The following KLC3 variants were observed in gnomAD, a reference collection of about 807,000 sequenced individuals.
The protein encoded by KLC3 is kinesin light chain 3, also known as kinesin light chain 2.
In KLC3, 72 loss-of-function variants were observed where a neutral mutation model predicts 62.9. That is an observed-to-expected ratio of 1.15 (90% confidence interval 0.95 to 1.39). The LOEUF (loss-of-function observed/expected upper bound fraction) is 1.39. KLC3 is among the 40% of genes most tolerant of loss of function. The pLI, the probability that KLC3 is intolerant of heterozygous loss-of-function variation, is 0.00. For synonymous variants in KLC3, 377 were observed against 300.5 expected (o/e 1.25, Z -2.63); for missense variants, 848 against 691.6 (o/e 1.23, Z -2.54).
In KLC3 at chr19:45,350,515, T is replaced by C; in HGVS notation, c.1236T>C (p.Gly412=). The C allele has an allele frequency of 6.2e-7, 1 of 1,613,086 alleles. No individual in the cohort carries two copies. Among genetic ancestry groups the C allele is most frequent in the Non-Finnish European group, 8.5e-7 (1 of 1,179,702 alleles). ...AGTGTCCCCCATCTTTCCCCCTAGG[T>C]GCCCCCAACACAGGCACAGCTGGTG... ...LHKEDLPAPL[G]APNTGTAGDA... Residue 412 remains glycine (G), a splice_region_variant and synonymous_variant, in exon 10 of 13, where the codon GGT becomes GGC. Coordinates refer to ENST00000391946, the MANE Select transcript of KLC3 (RefSeq NM_177417.3).
At position 45,350,818 on chromosome 19, in the gene KLC3, C is replaced by G. The variant is rs978531123; in HGVS notation, c.1379+71C>G. ...CCACAGCCCACCCCACCCCCACCCC[C>G]ATCTTGCTCAAGAACCTTCCATGGC... On this transcript the variant is annotated intron_variant, in intron 11 of 12. Coordinates refer to ENST00000391946, the MANE Select transcript of KLC3 (RefSeq NM_177417.3). 3.7e-6 allele frequency: 5 copies of G among 1,358,830 alleles called. No individual in the cohort carries two copies. The African/African-American group carries it at 5.7e-5, about 16-fold the overall frequency. The allele number at this position is 1,358,830 out of a possible 1,614,324, so 84.2% of individuals were successfully genotyped here. A position where few individuals can be genotyped will look rare whatever the true frequency, so the allele number is the denominator to read the frequency against.
intron 1 of KLC3, among the ~76,000 whole-genome samples, chr19:45,343,433 C>G (rs1026187481): frequency 2.6e-5 from 4 of 152,062 alleles, no homozygotes; most frequent in Non-Finnish European, 4.4e-5. Flanking sequence ...CTCTCAGGTT[C>G]AAGCAATTCT....
rs201590999 is a variant in KLC3 at position 45,348,045 on chromosome 19, C to T, written c.664C>T (p.Arg222Cys). The T allele has an allele frequency of 5.9e-5, 95 of 1,604,656 alleles. No homozygotes were observed. The highest frequency in any genetic ancestry group is 4.2e-4 in the South Asian group (38 of 89,464). ...NLVIQYAGQG[R>C]YEVAVPLCRQ... is the part of the protein sequence containing the mutation. Reference sequence around the variant, plus strand: ...CGTGATCCAGTACGCGGGGCAGGGCCGCTATGAGGTGGCGGTGCCTCTGTG... The same window carrying T: ...CGTGATCCAGTACGCGGGGCAGGGCTGCTATGAGGTGGCGGTGCCTCTGTG... The change falls in exon 5 of 13, where the codon CGC (arginine) becomes TGC (cysteine). Residue 222 changes from arginine (R) to cysteine (C), a missense_variant. Physicochemically the swap from Arg to Cys is radical, Grantham distance 180. Transcript: ENST00000391946.
intron 4 of KLC3, 24 bp from the exon 5 acceptor site, chr19:45,347,917 C>T (rs775998335): frequency 1.3e-6 from 2 of 1,570,310 alleles, no homozygotes; most frequent in East Asian, 2.3e-5. Context: ...TGCAGTGACC[C>T]AGAGCCCACC....
At chr19:45,349,392 T>C (rs1568525326) in intron 7 of KLC3, 37 bp from the exon 8 acceptor site, 1 of 1,569,816 alleles carries the variant, frequency 6.4e-7, no homozygotes, top group Non-Finnish European at 8.7e-7. Flanking sequence ...CCACCAATCC[T>C]GTATGATCCC....
intron 1 of KLC3, 190 bp from the exon 2 acceptor site, chr19:45,345,343 TG>T: frequency 1.4e-6 from 1 of 702,858 alleles, no homozygotes; most frequent in Non-Finnish European, 2.4e-6. Flanking sequence ...AGATGAGAGC[TG>T]GCTGGGATGG....
Position 45,345,813 on chromosome 19 carries a change from A to G in KLC3, c.258+14A>G, listed in dbSNP as rs1260049070. The G allele has an allele frequency of 2.5e-5, 36 of 1,431,618 alleles. No homozygotes were observed. Among genetic ancestry groups the G allele is most frequent in the Non-Finnish European group, 3.0e-5 (32 of 1,075,088 alleles). 88.7% of individuals were successfully genotyped at this position (1,431,618 alleles called of 1,614,324 possible). A position where few individuals can be genotyped will look rare whatever the true frequency, so the allele number is the denominator to read the frequency against. On this transcript the variant is annotated intron_variant, in intron 2 of 12. Transcript: ENST00000391946. ...GGCGAGGCCCAGGTATGAGGGGGCC[A>G]GGTGGGGAGCTGGGGGAAGGTCAGC...
In KLC3 at chr19:45,347,340, C is replaced by CAAAA. The variant is rs538695727; in HGVS notation, c.490-94_490-91dup. 1.9e-4 allele frequency: 106 copies of CAAAA among 558,084 alleles called. 1 individual carries two copies. Among genetic ancestry groups the CAAAA allele is most frequent in the Middle Eastern group, 4.5e-4 (1 of 2,242 alleles). 34.6% of individuals were successfully genotyped at this position (558,084 alleles called of 1,614,324 possible). A position where few individuals can be genotyped will look rare whatever the true frequency, so the allele number is the denominator to read the frequency against. On this transcript the variant is annotated intron_variant, in intron 3 of 12. Coordinates refer to ENST00000391946, the MANE Select transcript of KLC3 (RefSeq NM_177417.3). Reference sequence around the variant, plus strand: ...CTGTGCAACAAGCGAAACTCCGTCTCAAAAAAAAAAAAAAAACAAAAAAAC... The same window carrying CAAAA: ...CTGTGCAACAAGCGAAACTCCGTCTCAAAAAAAAAAAAAAAAAAAACAAAAAAAC...
At chr19:45,349,707 C>G in intron 8 of KLC3, 105 bp downstream of exon 8, 1 of 1,151,010 alleles carries the variant, frequency 8.7e-7, no homozygotes, top group Non-Finnish European at 1.2e-6. Context: ...GGGGGGGGGC[C>G]CCCCAGGCCG....
intron 11 of KLC3, 23 bp downstream of exon 11, chr19:45,350,770 A>AAGAGCCCTGACAT: frequency 1.3e-6 from 2 of 1,592,728 alleles, no homozygotes; most frequent in Non-Finnish European, 1.7e-6. Context: ...CAGGTCGGCA[A>AAGAGCCCTGACAT]AGAGCCCTGA....
intron 7 of KLC3, 60 bp from the exon 8 acceptor site, chr19:45,349,369 G>GATGTC: frequency 6.6e-7 from 1 of 1,511,598 alleles, no homozygotes; most frequent in African/African-American, 1.4e-5. Flanking sequence ...ATACAGCAGT[G>GATGTC]ATGTCACGTG....
Position 45,345,681 on chromosome 19 carries a change from A to ACCTGGCGGAGGC in KLC3, c.149_160dup (p.Glu50_Ala53dup). ...GCAGAGCACCATGGCCTGGCTGGGCACCTGGCGGAGGCCCTGGCGGGACAG... is the reference window on the plus strand; with the variant it reads ...GCAGAGCACCATGGCCTGGCTGGGCACCTGGCGGAGGCCCTGGCGGAGGCCCTGGCGGGACAG... On this transcript the variant is annotated inframe_insertion, in exon 2 of 13. Coordinates refer to ENST00000391946, the MANE Select transcript of KLC3 (RefSeq NM_177417.3). 1 of 1,576,494 alleles carries ACCTGGCGGAGGC rather than the reference A, an allele frequency of 6.3e-7. No homozygotes were observed. The highest frequency in any genetic ancestry group is 8.6e-7 in the Non-Finnish European group (1 of 1,162,388).
chr19:45,348,095 G>A lies in KLC3; in HGVS notation c.714G>A (p.Glu238=), dbSNP rs1219376719. 6.2e-7 allele frequency: 1 copy of A among 1,602,406 alleles called. No homozygotes were observed. Among genetic ancestry groups the A allele is most frequent in the South Asian group, 1.1e-5 (1 of 89,250 alleles). The change falls in exon 5 of 13, where the codon GAG becomes GAA. Residue 238 remains glutamate (E), a synonymous_variant. Coordinates refer to ENST00000391946, the MANE Select transcript of KLC3 (RefSeq NM_177417.3). ...GCCGCCAGGCCTTGGAGGACCTGGAGCGCAGCTCGGGCCACTGCCACCCTG... is the reference window on the plus strand; with the variant it reads ...GCCGCCAGGCCTTGGAGGACCTGGAACGCAGCTCGGGCCACTGCCACCCTG... ...PLCRQALEDL[E]RSSGHCHPDV...
chr19:45,350,289 C>T (rs956091037), intron 8 of KLC3, 52 bp from the exon 9 acceptor site: 5 of 1,354,878 alleles, frequency 3.7e-6, no homozygotes, highest in African/African-American at 2.9e-5. Flanking sequence ...GGACTGGATG[C>T]AGTGTTGGGA....
At position 45,351,422 on chromosome 19, in the gene KLC3, T is replaced by G. The variant is rs554810258; in HGVS notation, c.*65T>G. 4.8e-5 allele frequency: 76 copies of G among 1,593,090 alleles called. No individual in the cohort carries two copies. In the East Asian group the frequency reaches 1.7e-3, roughly 36 times the overall value. On this transcript the variant is annotated 3_prime_UTR_variant, in exon 13 of 13. Transcript: ENST00000391946. ...GTGCAGGAGGGATGGGCTGGTGGGGTGAGAGGGGGTCTATCATCTCCTGGC... is the reference window on the plus strand; with the variant it reads ...GTGCAGGAGGGATGGGCTGGTGGGGGGAGAGGGGGTCTATCATCTCCTGGC...
chr19:45,341,213 T>TGTGTGTGTGG (rs1555772416), intron 1 of KLC3, among the ~76,000 whole-genome samples: 1 of 149,316 alleles, frequency 6.7e-6, no homozygotes, highest in African/African-American at 2.5e-5. Context: ...TGTGTGTGTG[T>TGTGTGTGTGG]GGCTTTGCGT....
rs561464436 is a variant in KLC3, at chr19:45,351,352, C to A, written c.1510C>A (p.His504Asn). The A allele has an allele frequency of 5.0e-6, 8 of 1,610,820 alleles. No homozygotes were observed. The highest frequency in any genetic ancestry group is 2.7e-5 in the African/African-American group (2 of 74,888). The change falls in exon 13 of 13, where the codon CAC becomes AAC. Residue 504 changes from histidine to asparagine, a missense_variant. Coordinates refer to ENST00000391946, the MANE Select transcript of KLC3 (RefSeq NM_177417.3). ...CGCCAGCACCCAGGACCTGAGCCCC[C>A]ACTAACGTCCAGTGAACTGCGCTGG... ...LSASTQDLSP[H>N]
Position 45,347,488 on chromosome 19 carries a change from G to T in KLC3, c.531G>T (p.Leu177=). The change falls in exon 4 of 13, where the codon CTG becomes CTT. Residue 177 remains leucine, a synonymous_variant. Coordinates refer to ENST00000391946, the MANE Select transcript of KLC3 (RefSeq NM_177417.3). ...CTCGCCGAGACAGCCTGGCCTCCCT[G>T]TTCCCCAGCGAGGAGGAGGAGAGGA... ...SPPRRDSLAS[L]FPSEEEERKG... The T allele has an allele frequency of 6.2e-7, 1 of 1,612,904 alleles. No individual in the cohort carries two copies. Among genetic ancestry groups the T allele is most frequent in the African/African-American group, 1.3e-5 (1 of 74,960 alleles).
At chr19:45,343,962 C>T (rs2123176437) in intron 1 of KLC3, among the ~76,000 whole-genome samples, 1 of 152,158 alleles carries the variant, frequency 6.6e-6, no homozygotes, top group Middle Eastern at 3.4e-3. Context: ...CCTCAGCCTC[C>T]AGGTACACCA....
Sources: gnomAD v4.1 joint callset for allele counts (sites outside exome capture counted in the v4.1 genomes callset) on GRCh38, gnomAD v4.1.1 for gene constraint, MANE v1.5 for transcripts, NCBI Gene and HGNC (gene_info 2026-07-23, HGNC 2026-07-21) for gene names.